The following MYO3B variants were observed in gnomAD, a reference collection of about 807,000 sequenced individuals.
MYO3B encodes the protein myosin-IIIb.
In MYO3B, 156 loss-of-function variants were observed where a neutral mutation model predicts 174.6. The observed-to-expected ratio is 0.89, with a 90% CI of 0.78 to 1.02. The LOEUF is 1.02. Ranked by LOEUF, MYO3B falls within the 50% of genes least tolerant of loss-of-function variation. MYO3B has a pLI of 0.00. For missense variants in MYO3B, 1,632 were observed against 1,639.4 expected, an observed-to-expected ratio of 1.00 and a Z score of 0.08; for synonymous variants, 563 against 569.1, an observed-to-expected ratio of 0.99 and a Z score of 0.15.
intron 3 of MYO3B, among the ~76,000 whole-genome samples, chr2:170,200,700 A>G (rs372908359): frequency 3.9e-5 from 6 of 152,290 alleles, no homozygotes; most frequent in Admixed American, 6.5e-5. Context: ...GGTTTCCTGA[A>G]AACTGACTCT....
intron 22 of MYO3B, among the ~76,000 whole-genome samples, chr2:170,427,371 G>T (rs1384615187): frequency 6.6e-6 from 1 of 152,154 alleles, no homozygotes; most frequent in African/African-American, 2.4e-5. Context: ...CAGCATTACA[G>T]TTCCATAAAG....
chr2:170,430,250 G>A (rs2105881876), intron 22 of MYO3B, among the ~76,000 whole-genome samples: 1 of 151,810 alleles, frequency 6.6e-6, no homozygotes, highest in South Asian at 2.1e-4. Flanking sequence ...AATAACATGA[G>A]CATCATTAAA....
intron 7 of MYO3B, among the ~76,000 whole-genome samples, chr2:170,287,442 T>C (rs1173309299): frequency 6.6e-6 from 1 of 151,998 alleles, no homozygotes; most frequent in African/African-American, 2.4e-5. Context: ...GATGAGGTGA[T>C]ATATCATTGT....
intron 25 of MYO3B, among the ~76,000 whole-genome samples, chr2:170,477,244 G>A (rs7561653): frequency 0.99 from 151,012 of 152,222 alleles, 74,916 homozygotes; most frequent in East Asian, 1. Context: ...TTCCTCTGGT[G>A]GTTTTCTCTT....
chr2:170,527,603 C>T (rs1051813451), intron 30 of MYO3B, among the ~76,000 whole-genome samples: 2 of 152,166 alleles, frequency 1.3e-5, no homozygotes, highest in African/African-American at 2.4e-5. Context: ...GATTCTCTCC[C>T]GCTGTCTGCA....
intron 7 of MYO3B, among the ~76,000 whole-genome samples, chr2:170,246,570 A>G (rs2105321089): frequency 6.7e-6 from 1 of 148,864 alleles, no homozygotes; most frequent in South Asian, 2.1e-4. Flanking sequence ...ACACACACGA[A>G]CATCATATAA....
intron 7 of MYO3B, among the ~76,000 whole-genome samples, chr2:170,236,975 T>C (rs12990591): frequency 0.038 from 5,734 of 152,352 alleles, 127 homozygotes; most frequent in Middle Eastern, 0.085. Context: ...AATTTGCATT[T>C]CTGATTAGGT....
intron 7 of MYO3B, among the ~76,000 whole-genome samples, chr2:170,321,838 G>T (rs967897437): frequency 6.6e-6 from 1 of 152,110 alleles, no homozygotes; most frequent in Non-Finnish European, 1.5e-5. Flanking sequence ...AGAGTAGGCC[G>T]GGTGCAGTGG....
chr2:170,579,693 C>T (rs1236786040), intron 32 of MYO3B, among the ~76,000 whole-genome samples: 1 of 152,218 alleles, frequency 6.6e-6, no homozygotes, highest in Non-Finnish European at 1.5e-5. Context: ...AGGCTAGAAA[C>T]CTGGAGCACC....
rs71415205 is a variant in MYO3B, at chr2:170,291,164, G to C, written c.750-44221G>C. ...CTCGGGAGGCTGAGGCAGGAGAATTGCTGGAACCTGGGAGGCAGAAGCTGC... is the reference window on the plus strand; with the variant it reads ...CTCGGGAGGCTGAGGCAGGAGAATTCCTGGAACCTGGGAGGCAGAAGCTGC... On this transcript the variant is annotated intron_variant, in intron 7 of 34. Transcript: ENST00000408978. Among the ~76,000 whole-genome samples, 1,512 of 152,076 alleles carry C rather than the reference G, an allele frequency of 9.9e-3. 9 individuals carry two copies. The highest frequency in any genetic ancestry group is 0.016 in the Non-Finnish European group (1,120 of 67,986).
chr2:170,265,225 C>A (rs1222110915), intron 7 of MYO3B, among the ~76,000 whole-genome samples: 2 of 152,132 alleles, frequency 1.3e-5, no homozygotes, highest in Non-Finnish European at 2.9e-5. Flanking sequence ...ATATGTAGCT[C>A]CTCTAGATTT....
At chr2:170,258,241 T>A (rs919924087) in intron 7 of MYO3B, among the ~76,000 whole-genome samples, 9 of 151,886 alleles carry the variant, frequency 5.9e-5, no homozygotes, top group African/African-American at 2.4e-5. Context: ...ATCATTCTGA[T>A]ACCAATGAGA....
At chr2:170,236,193 G>C in intron 7 of MYO3B, 57 bp downstream of exon 7, 1 of 1,598,272 alleles carries the variant, frequency 6.3e-7, no homozygotes, top group Non-Finnish European at 8.6e-7. Context: ...CGTCTGGTTA[G>C]AGGGATAATA....
At chr2:170,350,259 A>G (rs11891081) in intron 8 of MYO3B, 1 of 151,634 alleles carries the variant, frequency 6.6e-6, no homozygotes, top group Admixed American at 6.6e-5. Context: ...TCGACCTCCC[A>G]AAAACCGAAA....
At chr2:170,541,896 G>A (rs1372356713) in intron 30 of MYO3B, among the ~76,000 whole-genome samples, 1 of 152,034 alleles carries the variant, frequency 6.6e-6, no homozygotes, top group East Asian at 1.9e-4. Context: ...ATTTTTAAAT[G>A]GGCATATTGC....
intron 7 of MYO3B, among the ~76,000 whole-genome samples, chr2:170,306,860 T>G (rs1051276104): frequency 6.6e-6 from 1 of 152,206 alleles, no homozygotes; most frequent in African/African-American, 2.4e-5. Flanking sequence ...TCACATTGCA[T>G]GTATTTTGCA....
intron 23 of MYO3B, among the ~76,000 whole-genome samples, chr2:170,449,021 G>A (rs1013233097): frequency 6.6e-6 from 1 of 152,130 alleles, no homozygotes; most frequent in Non-Finnish European, 1.5e-5. Context: ...TTAAAGCCTT[G>A]AAGCCCAGTC....
chr2:170,290,669 T>C (rs542698791), intron 7 of MYO3B, among the ~76,000 whole-genome samples: 14 of 152,294 alleles, frequency 9.2e-5, no homozygotes, highest in Admixed American at 3.9e-4. Flanking sequence ...ATTCAGACTT[T>C]TTACGTTCAG....
intron 32 of MYO3B, among the ~76,000 whole-genome samples, chr2:170,639,605 A>G (rs1697800744): frequency 6.6e-6 from 1 of 152,196 alleles, no homozygotes; most frequent in South Asian, 2.1e-4. Flanking sequence ...ACAATAGCAA[A>G]CCATTGCTGA....
Sources: allele counts gnomAD v4.1 joint callset (sites outside exome capture counted in the v4.1 genomes callset), GRCh38; gene constraint gnomAD v4.1.1; transcripts MANE v1.5; gene names NCBI Gene and HGNC (gene_info 2026-07-23, HGNC 2026-07-21).